Variants in PRR16 observed in about 807,000 individuals in gnomAD.
PRR16 encodes proline rich 16.
Under a neutral mutation model 18.2 loss-of-function variants are expected in PRR16, and 6 were observed. That is an observed-to-expected ratio of 0.33 (90% CI 0.18 to 0.65). The LOEUF (loss-of-function observed/expected upper bound fraction) is 0.65. Among genes scored for constraint, PRR16 ranks in the 30% least tolerant of loss-of-function variants. The pLI, the probability that PRR16 is intolerant of heterozygous loss-of-function variation, is 0.74. For synonymous variants in PRR16, 151 were observed against 147.8 expected (o/e 1.02, Z -0.16); for missense variants, 412 against 376.6 (o/e 1.09, Z -0.78).
intron 1 of PRR16, among the ~76,000 whole-genome samples, chr5:120,646,048 T>TTATATATATATA (rs10606917): frequency 0.059 from 6,154 of 103,926 alleles, 305 homozygotes; most frequent in East Asian, 0.12. Context: ...AATACATATT[T>TTATATATATATA]TATATATATA....
At chr5:120,546,895 G>A (rs550264088) in intron 1 of PRR16, among the ~76,000 whole-genome samples, 25 of 152,028 alleles carry the variant, frequency 1.6e-4, no homozygotes, top group Non-Finnish European at 1.8e-4. Context: ...CCCATAGGCC[G>A]TGTCTCCAGA....
intron 1 of PRR16, among the ~76,000 whole-genome samples, chr5:120,649,929 T>G: frequency 6.6e-6 from 1 of 152,036 alleles, no homozygotes; most frequent in East Asian, 1.9e-4. Flanking sequence ...CTCTGAATAT[T>G]ATATAGTGTA....
At chr5:120,585,297 G>A (rs928948112) in intron 1 of PRR16, among the ~76,000 whole-genome samples, 2 of 152,072 alleles carry the variant, frequency 1.3e-5, no homozygotes, top group East Asian at 1.9e-4. Flanking sequence ...GAAGGACAAG[G>A]TTTTCTGTTT....
In PRR16 at chr5:120,628,755, A is replaced by G. The variant is rs1212700489; in HGVS notation, c.160-57199A>G. ...CTATCTATCTATCTATCTATCATCT[A>G]TCTGTCTTTCCCATCTAACAGTAAG... is the stretch of plus-strand genomic sequence containing the variant. On this transcript the variant is annotated intron_variant, in intron 1 of 1. Transcript: ENST00000407149. 2.0e-5 allele frequency among the ~76,000 whole-genome samples: 3 copies of G among 150,184 alleles called. No individual in the cohort carries two copies. The Admixed American group carries it at 2.0e-4, about 10-fold the overall frequency.
chr5:120,709,939 A>G, the PRR16 span, among the ~76,000 whole-genome samples: 1 of 152,166 alleles, frequency 6.6e-6, no homozygotes, highest in African/African-American at 2.4e-5. Context: ...AATAAACAGG[A>G]GCATAGATAT....
At chr5:120,561,557 A>T (rs1287392337) in intron 1 of PRR16, among the ~76,000 whole-genome samples, 2 of 152,144 alleles carry the variant, frequency 1.3e-5, no homozygotes, top group Non-Finnish European at 2.9e-5. Flanking sequence ...CTTGAGAATG[A>T]CCCATATGCT....
chr5:120,528,447 G>T lies in PRR16; in HGVS notation c.159+63802G>T, dbSNP rs556510201. Among the ~76,000 whole-genome samples the T allele has an allele frequency of 2.8e-4, 43 of 152,282 alleles. No individual in the cohort carries two copies. The Middle Eastern group carries it at 0.01, about 36-fold the overall frequency. ...ACTCTGGCAACTTTGCCATATTCTG[G>T]TGATGGGGTAGAGAAAAGAACCTGA... On this transcript the variant is annotated intron_variant, in intron 1 of 1. Coordinates refer to ENST00000407149, the MANE Select transcript of PRR16 (RefSeq NM_001300783.2).
intron 1 of PRR16, among the ~76,000 whole-genome samples, chr5:120,630,231 T>G (rs1755007272): frequency 6.6e-6 from 1 of 152,186 alleles, no homozygotes; most frequent in Non-Finnish European, 1.5e-5. Context: ...CCACTTCATT[T>G]TGTCTTGTTC....
chr5:120,473,735 T>G (rs1385159159), intron 1 of PRR16, among the ~76,000 whole-genome samples: 3 of 152,186 alleles, frequency 2.0e-5, no homozygotes, highest in Admixed American at 1.3e-4. Context: ...CAAAATTCCT[T>G]CATGGAGTTT....
chr5:120,661,685 A>G (rs1434069707), intron 1 of PRR16, among the ~76,000 whole-genome samples: 1 of 151,964 alleles, frequency 6.6e-6, no homozygotes, highest in African/African-American at 2.4e-5. Flanking sequence ...GTCCTCCAGA[A>G]CACTCTACTC....
chr5:120,768,262 G>A, the PRR16 span, among the ~76,000 whole-genome samples: 1 of 151,716 alleles, frequency 6.6e-6, no homozygotes, highest in Non-Finnish European at 1.5e-5. Context: ...TTTATAAAAT[G>A]CACCACACAA....
chr5:120,761,281 G>T, the PRR16 span, among the ~76,000 whole-genome samples: 15 of 151,828 alleles, frequency 9.9e-5, no homozygotes, highest in African/African-American at 3.6e-4. Context: ...ATTTCTCATG[G>T]CCTGAACTTT....
chr5:120,709,095 G>C, the PRR16 span, among the ~76,000 whole-genome samples: 2 of 136,096 alleles, frequency 1.5e-5, no homozygotes, highest in African/African-American at 5.6e-5. Context: ...GCAAGCTCCA[G>C]CTCCTGGGTT....
At chr5:120,573,472 G>A (rs953205646) in intron 1 of PRR16, among the ~76,000 whole-genome samples, 1 of 152,060 alleles carries the variant, frequency 6.6e-6, no homozygotes, top group Non-Finnish European at 1.5e-5. Flanking sequence ...TGTTTCTGAA[G>A]GCATTTTGCA....
chr5:120,682,016 C>T (rs1461294839), intron 1 of PRR16, among the ~76,000 whole-genome samples: 2 of 152,188 alleles, frequency 1.3e-5, no homozygotes, highest in Admixed American at 6.5e-5. Context: ...AATACTACAT[C>T]TCTCACTTCT....
At chr5:120,561,818 T>G (rs968552230) in intron 1 of PRR16, among the ~76,000 whole-genome samples, 1 of 152,148 alleles carries the variant, frequency 6.6e-6, no homozygotes, top group Non-Finnish European at 1.5e-5. Flanking sequence ...CTCTTTGCCC[T>G]CATTCTTTCT....
At chr5:120,472,391 C>A (rs951246036) in intron 1 of PRR16, among the ~76,000 whole-genome samples, 1 of 152,024 alleles carries the variant, frequency 6.6e-6, no homozygotes, top group East Asian at 1.9e-4. Flanking sequence ...CAATATCAGT[C>A]AAATCAATTG....
At chr5:120,712,041 T>A in the PRR16 span, among the ~76,000 whole-genome samples, 1 of 152,222 alleles carries the variant, frequency 6.6e-6, no homozygotes, top group Non-Finnish European at 1.5e-5. Context: ...TCTGACTGTA[T>A]GTTTTTAGTG....
intron 1 of PRR16, among the ~76,000 whole-genome samples, chr5:120,605,548 T>C (rs950165602): frequency 6.6e-6 from 1 of 152,200 alleles, no homozygotes; most frequent in Non-Finnish European, 1.5e-5. Flanking sequence ...TTAAGAATCA[T>C]TGCTGCACAG....
Sources: gnomAD v4.1 joint callset for allele counts (sites outside exome capture counted in the v4.1 genomes callset) on GRCh38, gnomAD v4.1.1 for gene constraint, MANE v1.5 for transcripts, NCBI Gene and HGNC (gene_info 2026-07-23, HGNC 2026-07-21) for gene names.